Variants in STX17 observed in about 807,000 individuals in gnomAD.
STX17 encodes syntaxin 17.
A neutral mutation model predicts 35.9 loss-of-function variants in STX17; 29 were observed. The observed-to-expected ratio is 0.81, with a 90% CI of 0.60 to 1.10. The LOEUF (loss-of-function observed/expected upper bound fraction) is 1.10. Ranked by LOEUF, STX17 falls within the 50% of genes least tolerant of loss-of-function variation. The pLI, the probability that STX17 is intolerant of heterozygous loss-of-function variation, is 0.00. For missense variants in STX17, 312 were observed against 352.3 expected, an observed-to-expected ratio of 0.89 and a Z score of 0.92; for synonymous variants, 92 against 118.3, an observed-to-expected ratio of 0.78 and a Z score of 1.44.
intron 1 of STX17, among the ~76,000 whole-genome samples, chr9:99,914,640 A>G (rs2118303868): frequency 6.6e-6 from 1 of 152,318 alleles, no homozygotes; most frequent in Non-Finnish European, 1.5e-5. Context: ...TCAATGAGAA[A>G]AGTTGCATAT....
intron 6 of STX17, among the ~76,000 whole-genome samples, chr9:99,966,854 C>T (rs1386884049): frequency 1.3e-5 from 2 of 152,188 alleles, no homozygotes; most frequent in South Asian, 2.1e-4. Flanking sequence ...AGCAGAGGTT[C>T]AGTAACCACT....
At chr9:99,962,705 A>T (rs926478304) in intron 6 of STX17, among the ~76,000 whole-genome samples, 1 of 152,162 alleles carries the variant, frequency 6.6e-6, no homozygotes, top group Admixed American at 6.5e-5. Context: ...GTGTAGGAAA[A>T]CTCTGGCTGT....
chr9:99,915,490 G>A, intron 2 of STX17, 128 bp downstream of exon 2: 1 of 1,132,808 alleles, frequency 8.8e-7, no homozygotes, highest in Non-Finnish European at 1.2e-6. Flanking sequence ...TATTGATTTA[G>A]CAACATTATG....
intron 3 of STX17, chr9:99,945,673 G>A: frequency 1.2e-5 from 4 of 347,118 alleles, no homozygotes; most frequent in Middle Eastern, 6.0e-4. Context: ...ACTTTCTTTT[G>A]TATTGATCTT....
chr9:99,919,782 A>G (rs949407873), intron 2 of STX17, among the ~76,000 whole-genome samples: 2 of 152,192 alleles, frequency 1.3e-5, no homozygotes, highest in African/African-American at 4.8e-5. Context: ...TATGTAAAAG[A>G]TAGATTTTTA....
chr9:99,946,232 G>GAT (rs1829479604), intron 3 of STX17, among the ~76,000 whole-genome samples: 1 of 152,072 alleles, frequency 6.6e-6, no homozygotes, highest in African/African-American at 2.4e-5. Context: ...TAGCGATAAA[G>GAT]TATACAGGAG....
chr9:99,909,559 C>T (rs923841330), intron 1 of STX17, among the ~76,000 whole-genome samples: 1 of 152,130 alleles, frequency 6.6e-6, no homozygotes, highest in African/African-American at 2.4e-5. Context: ...ATAATTGATA[C>T]ATTTAACATG....
rs1830004117 is a variant in STX17 at position 99,970,795 on chromosome 9, C to T, written c.*2122C>T. Among the ~76,000 whole-genome samples the T allele has an allele frequency of 6.6e-6, 1 of 152,226 alleles. No homozygotes were observed. The highest frequency in any genetic ancestry group is 1.5e-5 in the Non-Finnish European group (1 of 68,040). On this transcript the variant is annotated 3_prime_UTR_variant, in exon 8 of 8. Coordinates refer to ENST00000259400, the MANE Select transcript of STX17 (RefSeq NM_017919.3). ...TTTCAGCCCACCAACTTAGCGGCAG[C>T]ACTAGGGATTCATTATAAGGTAAAT...
At chr9:99,943,999 C>A (rs1004779860) in intron 3 of STX17, among the ~76,000 whole-genome samples, 2 of 151,910 alleles carry the variant, frequency 1.3e-5, no homozygotes, top group Non-Finnish European at 2.9e-5. Flanking sequence ...CATTTAATTT[C>A]TTTAATAATT....
In STX17 at chr9:99,970,561, C is replaced by T. The variant is rs1830000558; in HGVS notation, c.*1888C>T. Reference sequence around the variant, plus strand: ...TCAAACCTGAATGAGGATCAGAACTCACCCAGGCACATACTAAAGCAAGAT... The same window carrying T: ...TCAAACCTGAATGAGGATCAGAACTTACCCAGGCACATACTAAAGCAAGAT... On this transcript the variant is annotated 3_prime_UTR_variant, in exon 8 of 8. Transcript: ENST00000259400. Among the ~76,000 whole-genome samples the T allele has an allele frequency of 6.6e-6, 1 of 152,166 alleles. No homozygotes were observed. The highest frequency in any genetic ancestry group is 1.5e-5 in the Non-Finnish European group (1 of 68,032).
intron 2 of STX17, among the ~76,000 whole-genome samples, chr9:99,916,725 T>A (rs1362211085): frequency 6.6e-6 from 1 of 152,166 alleles, no homozygotes; most frequent in Non-Finnish European, 1.5e-5. Flanking sequence ...AATTTCTTCT[T>A]TACTTACAAG....
At position 99,971,308 on chromosome 9, in the gene STX17, T is replaced by G. The variant is rs1424111733; in HGVS notation, c.*2635T>G. Among the ~76,000 whole-genome samples the G allele has an allele frequency of 1.3e-5, 2 of 148,152 alleles. No homozygotes were observed. Among genetic ancestry groups the G allele is most frequent in the Admixed American group, 6.7e-5 (1 of 14,822 alleles). On this transcript the variant is annotated 3_prime_UTR_variant, in exon 8 of 8. Coordinates refer to ENST00000259400, the MANE Select transcript of STX17 (RefSeq NM_017919.3). Reference sequence around the variant, plus strand: ...AAGGACTTTTTTTTTTTTTTTAACATAATCTGAGAATTTCTCTGTAGAGCA... The same window carrying G: ...AAGGACTTTTTTTTTTTTTTTAACAGAATCTGAGAATTTCTCTGTAGAGCA...
rs151209372 is a variant in STX17 at position 99,920,121 on chromosome 9, G to A, written c.123+4759G>A. ...TTCAAGATAGGCAAGCCTCAGCACA[G>A]GTGGTGAATGATAATGGTCTGATAA... is the stretch of plus-strand genomic sequence containing the variant. On this transcript the variant is annotated intron_variant, in intron 2 of 7. Coordinates refer to ENST00000259400, the MANE Select transcript of STX17 (RefSeq NM_017919.3). Among the ~76,000 whole-genome samples the A allele has an allele frequency of 5.2e-3, 786 of 152,280 alleles. 7 individuals carry two copies. The highest frequency in any genetic ancestry group is 0.017 in the African/African-American group (717 of 41,570).
intron 2 of STX17, among the ~76,000 whole-genome samples, chr9:99,920,359 G>A (rs1048728203): frequency 5.3e-5 from 8 of 152,104 alleles, no homozygotes; most frequent in Non-Finnish European, 7.4e-5. Context: ...ATCTAGAACT[G>A]TAACCAATCC....
chr9:99,920,435 A>G (rs999892280), intron 2 of STX17, among the ~76,000 whole-genome samples: 1 of 152,194 alleles, frequency 6.6e-6, no homozygotes, highest in Non-Finnish European at 1.5e-5. Flanking sequence ...TAAAGCAGCA[A>G]CATAGAACTT....
In STX17 at chr9:99,974,129, G is replaced by C. The variant is rs932884876; in HGVS notation, c.*5456G>C. ...TTTCTTAACCTTCAAAACAATGTCA[G>C]TGTTGTCACCTGTGCATTTGATAGC... On this transcript the variant is annotated 3_prime_UTR_variant, in exon 8 of 8. Transcript: ENST00000259400. 1.3e-5 allele frequency among the ~76,000 whole-genome samples: 2 copies of C among 152,146 alleles called. No homozygotes were observed. The highest frequency in any genetic ancestry group is 6.5e-5 in the Admixed American group (1 of 15,268).
chr9:99,912,233 A>AAAAAAAAAAG (rs1491514878), intron 1 of STX17, among the ~76,000 whole-genome samples: 13 of 14,494 alleles, frequency 9.0e-4, no homozygotes, highest in African/African-American at 4.4e-3. Context: ...TCTAAAAAGA[A>AAAAAAAAAAG]AAAAAAAAAA....
chr9:99,952,609 A>C (rs1406075816), intron 4 of STX17, among the ~76,000 whole-genome samples: 2 of 152,194 alleles, frequency 1.3e-5, no homozygotes, highest in Non-Finnish European at 2.9e-5. Context: ...TATTCACAAT[A>C]GCAAAGACTT....
intron 3 of STX17, chr9:99,929,209 C>G (rs1348389096): frequency 1.3e-5 from 2 of 158,348 alleles, no homozygotes; most frequent in East Asian, 3.6e-4. Context: ...AACTTTTTTT[C>G]ACATTGCCTG....
Sources: allele counts gnomAD v4.1 joint callset (sites outside exome capture counted in the v4.1 genomes callset), GRCh38; gene constraint gnomAD v4.1.1; transcripts MANE v1.5; gene names NCBI Gene and HGNC (gene_info 2026-07-23, HGNC 2026-07-21).